Variants in LDHA observed in about 807,000 individuals in gnomAD.
The protein encoded by LDHA is L-lactate dehydrogenase A chain.
In LDHA, 10 loss-of-function variants were observed where a neutral mutation model predicts 36.3. The ratio of observed to expected loss-of-function variants is 0.28; its 90% confidence interval spans 0.17 to 0.47. The LOEUF (loss-of-function observed/expected upper bound fraction) is 0.47, where lower values mean the gene tolerates loss of function less well. Among genes scored for constraint, LDHA ranks in the 20% least tolerant of loss-of-function variants. The probability of loss-of-function intolerance (pLI) is 0.99; values close to 1 mark genes in which losing one functional copy is unlikely to be tolerated. For missense variants in LDHA, 267 were observed against 405.8 expected (o/e 0.66, Z 2.94); for synonymous variants, 110 against 136.7 (o/e 0.80, Z 1.36).
intron 2 of LDHA, chr11:18,397,206 C>T: frequency 2.3e-6 from 1 of 442,028 alleles, no homozygotes; most frequent in Non-Finnish European, 4.1e-6. Context: ...ATTCATTATT[C>T]TGTATTAACA....
intron 1 of LDHA, chr11:18,395,302 A>C: frequency 6.5e-6 from 1 of 153,442 alleles, no homozygotes; most frequent in Non-Finnish European, 1.5e-5. Context: ...GCCGGTACCA[A>C]CTCCTCCTTT....
chr11:18,407,286 T>G lies in LDHA; in HGVS notation c.*5T>G. 1 of 1,613,306 alleles carries G rather than the reference T, an allele frequency of 6.2e-7. No individual in the cohort carries two copies. The highest frequency in any genetic ancestry group is 8.5e-7 in the Non-Finnish European group (1 of 1,179,786). On this transcript the variant is annotated 3_prime_UTR_variant, in exon 8 of 8. Transcript: ENST00000422447. ...CAAAAGGAGCTGCAATTTTAAAGTC[T>G]TCTGATGTCATATCATTTCACTGTC...
At chr11:18,399,389 A>T in intron 2 of LDHA, 42 bp from the exon 3 acceptor site, 1 of 1,355,630 alleles carries the variant, frequency 7.4e-7, no homozygotes. Flanking sequence ...AAAATCTAGA[A>T]GTGGCAATTT....
At chr11:18,403,049 G>A (rs201954816) in intron 5 of LDHA, 36 bp downstream of exon 5, 1 of 1,571,758 alleles carries the variant, frequency 6.4e-7, no homozygotes, top group South Asian at 1.1e-5. Flanking sequence ...TTTTTGAAAA[G>A]ATTATATAAA....
intron 1 of LDHA, among the ~76,000 whole-genome samples, chr11:18,395,619 C>G (rs1333493522): frequency 6.6e-6 from 1 of 152,196 alleles, no homozygotes; most frequent in Non-Finnish European, 1.5e-5. Context: ...CTTGGTGACT[C>G]TGGGCTGACT....
chr11:18,397,592 A>G (rs1866345821), intron 2 of LDHA, among the ~76,000 whole-genome samples: 1 of 152,124 alleles, frequency 6.6e-6, no homozygotes, highest in African/African-American at 2.4e-5. Flanking sequence ...TGGGTGGATC[A>G]CGAGGTCAGG....
intron 5 of LDHA, 62 bp downstream of exon 5, chr11:18,403,075 A>G (rs2134028609): frequency 1.5e-6 from 2 of 1,358,452 alleles, no homozygotes; most frequent in Non-Finnish European, 1.0e-6. Context: ...GATGGGCATT[A>G]TATTATTCAA....
At chr11:18,401,113 A>C in intron 4 of LDHA, 103 bp downstream of exon 4, 1 of 465,648 alleles carries the variant, frequency 2.1e-6, no homozygotes, top group East Asian at 6.5e-5. Flanking sequence ...ATTTTAAAAA[A>C]TACATTTTTA....
rs1866511504 is a variant in LDHA, at chr11:18,401,739, A to G, written c.418+729A>G. Among the ~76,000 whole-genome samples the G allele has an allele frequency of 1.3e-5, 2 of 151,264 alleles. 1 individual carries two copies. The highest frequency in any genetic ancestry group is 4.2e-4 in the South Asian group (2 of 4,806). On this transcript the variant is annotated intron_variant, in intron 4 of 7. Coordinates refer to ENST00000422447, the MANE Select transcript of LDHA (RefSeq NM_005566.4). ...TGATCTGCCCGCCTTGGCCTCCCAA[A>G]GTGCTGGGATTACAGGCGTGAGCCA...
At position 18,402,669 on chromosome 11, in the gene LDHA, T is replaced by C. The variant is rs1309431978; in HGVS notation, c.419-171T>C. 1.4e-5 allele frequency: 9 copies of C among 622,228 alleles called. 1 individual carries two copies. The highest frequency in any genetic ancestry group is 2.6e-5 in the Non-Finnish European group (9 of 347,086). 38.5% of individuals were successfully genotyped at this position (622,228 alleles called of 1,614,324 possible). A position where few individuals can be genotyped will look rare whatever the true frequency, so the allele number is the denominator to read the frequency against. On this transcript the variant is annotated intron_variant, in intron 4 of 7. Coordinates refer to ENST00000422447, the MANE Select transcript of LDHA (RefSeq NM_005566.4). ...AGGCTTAAAAATATTAACAAAATTA[T>C]TGGTTAGCCATGATCAATATCAAGA...
chr11:18,394,672 A>T (rs1489870006), intron 1 of LDHA, 36 bp downstream of exon 1: 1 of 453,340 alleles, frequency 2.2e-6, no homozygotes, highest in African/African-American at 2.0e-5. Flanking sequence ...CGCCAGAGGG[A>T]TGGGCGGGTA....
rs200519855 is a variant in LDHA at position 18,403,000 on chromosome 11, T to C, written c.579T>C (p.His193=). 3.7e-6 allele frequency: 6 copies of C among 1,613,478 alleles called. No homozygotes were observed. In the African/African-American group the frequency reaches 8.0e-5, roughly 21 times the overall value. ...LSCHGWVLGE[H]GDSSVPVWSG... is the part of the protein sequence containing the mutation. ...GTCATGGGTGGGTCCTTGGGGAACATGGAGATTCCAGTGGTAAGCATAAGT... is the reference window on the plus strand; with the variant it reads ...GTCATGGGTGGGTCCTTGGGGAACACGGAGATTCCAGTGGTAAGCATAAGT... The change falls in exon 5 of 8, where the codon CAT becomes CAC. Residue 193 remains histidine, a synonymous_variant. Transcript: ENST00000422447.
intron 4 of LDHA, 80 bp downstream of exon 4, chr11:18,401,090 A>C (rs1225325123): frequency 8.8e-5 from 43 of 486,952 alleles, no homozygotes; most frequent in Non-Finnish European, 1.3e-4. Flanking sequence ...ATATATTTTA[A>C]ATATTTTGAA....
At chr11:18,406,882 C>T (rs192533550) in intron 7 of LDHA, among the ~76,000 whole-genome samples, 30 of 151,160 alleles carry the variant, frequency 2.0e-4, no homozygotes, top group South Asian at 4.2e-4. Flanking sequence ...AGTGTGGTGG[C>T]GCACGCCTGT....
intron 1 of LDHA, 195 bp from the exon 2 acceptor site, chr11:18,396,624 C>T (rs1866314746): frequency 7.1e-7 from 1 of 1,407,602 alleles, no homozygotes; most frequent in Non-Finnish European, 9.2e-7. Flanking sequence ...TGGGCCTTCA[C>T]TCTTCACAGA....
chr11:18,401,463 A>ATTTTTTTTTTTT (rs1866493607), intron 4 of LDHA, among the ~76,000 whole-genome samples: 1 of 15,222 alleles, frequency 6.6e-5, no homozygotes, highest in Non-Finnish European at 1.9e-4. Context: ...TTATTGATTC[A>ATTTTTTTTTTTT]TTTATTTTTC....
intron 3 of LDHA, chr11:18,399,854 C>G (rs1305311887): frequency 2.9e-6 from 1 of 343,626 alleles, no homozygotes; most frequent in African/African-American, 2.1e-5. Context: ...CTTAGCCTTC[C>G]GAAGTACTGG....
intron 1 of LDHA, chr11:18,395,163 G>A (rs1312772349): frequency 5.9e-6 from 1 of 168,722 alleles, no homozygotes; most frequent in East Asian, 1.6e-4. Flanking sequence ...CAGATTATAG[G>A]GAGCCCTTTG....
intron 7 of LDHA, among the ~76,000 whole-genome samples, chr11:18,406,180 G>A (rs1415384942): frequency 6.6e-6 from 1 of 152,006 alleles, no homozygotes; most frequent in Non-Finnish European, 1.5e-5. Context: ...TGGCTAGGCT[G>A]GTCTCGAACT....
Sources: gnomAD v4.1 joint callset for allele counts (sites outside exome capture counted in the v4.1 genomes callset) on GRCh38, gnomAD v4.1.1 for gene constraint, MANE v1.5 for transcripts, NCBI Gene and HGNC (gene_info 2026-07-23, HGNC 2026-07-21) for gene names.